The following CEP97 variants were observed in gnomAD, a reference collection of about 807,000 sequenced individuals.
The protein encoded by CEP97 is centrosomal protein 97.
A neutral mutation model predicts 73.1 loss-of-function variants in CEP97; 43 were observed. That is an observed-to-expected ratio of 0.59 (90% CI 0.46 to 0.76). The LOEUF is 0.76. CEP97 is among the 30% of genes least tolerant of loss of function. CEP97 has a pLI of 0.00. For synonymous variants in CEP97, 337 were observed against 370.0 expected (o/e 0.91, Z 1.02); for missense variants, 939 against 1,014.0 (o/e 0.93, Z 1.00).
intron 6 of CEP97, among the ~76,000 whole-genome samples, chr3:101,739,665 T>C (rs967369461): frequency 6.6e-6 from 1 of 152,152 alleles, no homozygotes; most frequent in African/African-American, 2.4e-5. Flanking sequence ...CCCAGCACTT[T>C]GGGAGGCCGA....
chr3:101,760,896 C>T (rs750238958), intron 9 of CEP97, among the ~76,000 whole-genome samples: 1 of 151,734 alleles, frequency 6.6e-6, no homozygotes, highest in Non-Finnish European at 1.5e-5. Context: ...GAGTCTTGCT[C>T]TTGTCACCCA....
chr3:101,737,226 C>T (rs573307646), intron 6 of CEP97, among the ~76,000 whole-genome samples: 1 of 152,228 alleles, frequency 6.6e-6, no homozygotes, highest in South Asian at 2.1e-4. Context: ...ATTGGTGTAC[C>T]TGAAAGTGAC....
chr3:101,748,527 TACA>T (rs1391397584), intron 6 of CEP97, among the ~76,000 whole-genome samples: 1 of 152,212 alleles, frequency 6.6e-6, no homozygotes, highest in Admixed American at 6.6e-5. Context: ...CCTATTTTTG[TACA>T]ACCTTTCAAC....
chr3:101,761,889 G>A (rs1216210649), intron 9 of CEP97, among the ~76,000 whole-genome samples: 3 of 152,138 alleles, frequency 2.0e-5, no homozygotes, highest in Non-Finnish European at 4.4e-5. Flanking sequence ...AGTATGGAGA[G>A]AACAGCAGTG....
intron 3 of CEP97, 104 bp downstream of exon 3, chr3:101,727,645 C>A: frequency 1.2e-6 from 1 of 849,794 alleles, no homozygotes; most frequent in Non-Finnish European, 1.8e-6. Flanking sequence ...CTCCCACTCT[C>A]CAGGGATAAT....
intron 9 of CEP97, chr3:101,758,655 G>GT (rs1286845890): frequency 3.9e-6 from 2 of 512,030 alleles, no homozygotes; most frequent in African/African-American, 3.8e-5. Context: ...ATGCAGTGTA[G>GT]TAATAAATGT....
In CEP97 at chr3:101,758,354, A is replaced by G; in HGVS notation, c.1748A>G (p.Asp583Gly). The G allele has an allele frequency of 6.2e-7, 1 of 1,614,198 alleles. No individual in the cohort carries two copies. The highest frequency in any genetic ancestry group is 1.1e-5 in the South Asian group (1 of 91,082). The part of the protein sequence containing the change: ...YARNYNPQAK[D>G]VRYEIRLRRM... ...AGGAACTACAACCCTCAAGCCAAAG[A>G]TGTGCGTTACGAAATCCGGCTACGC... is the stretch of plus-strand genomic sequence containing the variant. The change falls in exon 9 of 11, where the codon GAT becomes GGT. Residue 583 changes from aspartate to glycine, a missense_variant. Physicochemically the swap from Asp to Gly is moderately conservative, Grantham distance 94 (BLOSUM62 -1). Coordinates refer to ENST00000341893, the MANE Select transcript of CEP97 (RefSeq NM_024548.4).
intron 4 of CEP97, among the ~76,000 whole-genome samples, chr3:101,729,287 G>A (rs1270618760): frequency 1.3e-5 from 2 of 151,230 alleles, no homozygotes; most frequent in East Asian, 1.9e-4. Context: ...GTGGTGACCC[G>A]AGATTGGGTC....
At chr3:101,761,374 C>G (rs1018886023) in intron 9 of CEP97, among the ~76,000 whole-genome samples, 2 of 152,150 alleles carry the variant, frequency 1.3e-5, no homozygotes, top group African/African-American at 4.8e-5. Flanking sequence ...GAATGGGTGA[C>G]TGACATGGGG....
intron 6 of CEP97, among the ~76,000 whole-genome samples, chr3:101,754,776 TA>T (rs1938957033): frequency 6.6e-6 from 1 of 152,202 alleles, no homozygotes; most frequent in South Asian, 2.1e-4. Flanking sequence ...GTATTTGTCC[TA>T]TAGAGTTTCC....
chr3:101,729,523 T>C (rs1039292837), intron 4 of CEP97, among the ~76,000 whole-genome samples: 19 of 152,192 alleles, frequency 1.2e-4, no homozygotes, highest in Non-Finnish European at 2.5e-4. Context: ...TAACTTCAGT[T>C]ATTATATAGT....
At position 101,757,135 on chromosome 3, in the gene CEP97, G is replaced by A. The variant is rs746112255; in HGVS notation, c.966G>A (p.Arg322=). Residue 322 remains arginine, a synonymous_variant, in exon 8 of 11, where the codon AGG becomes AGA. Coordinates refer to ENST00000341893, the MANE Select transcript of CEP97 (RefSeq NM_024548.4). ...CTCCTCTTGTTCCTGTTGAAACAAG[G>A]GCATCCCTTATTCCTGAGCATTCAA... ...ELSPLVPVET[R]ASLIPEHSSP... is the part of the protein sequence containing the mutation. 3.1e-6 allele frequency: 5 copies of A among 1,613,132 alleles called. No homozygotes were observed.
rs1270128869 is a variant in CEP97 at position 101,764,942 on chromosome 3, G to A, written c.1989G>A (p.Ser663=). The A allele has an allele frequency of 6.2e-6, 10 of 1,613,990 alleles. No homozygotes were observed. Among genetic ancestry groups the A allele is most frequent in the East Asian group, 2.2e-5 (1 of 44,898 alleles). ...VPPISSTLVP[S]KHPLFTQSQE... Reference sequence around the variant, plus strand: ...CTATATCAAGTACTCTTGTGCCATCGAAACATCCATTATTTACCCAAAGCC... The same window carrying A: ...CTATATCAAGTACTCTTGTGCCATCAAAACATCCATTATTTACCCAAAGCC... The change falls in exon 11 of 11, where the codon TCG becomes TCA. Residue 663 remains serine (S), a synonymous_variant. Coordinates refer to ENST00000341893, the MANE Select transcript of CEP97 (RefSeq NM_024548.4).
At chr3:101,757,012 C>CT (rs1939023341) in intron 7 of CEP97, 51 bp from the exon 8 acceptor site, 1 of 1,493,298 alleles carries the variant, frequency 6.7e-7, no homozygotes, top group Non-Finnish European at 8.9e-7. Flanking sequence ...AGCAGAAAAT[C>CT]TTTCTTTTTT....
chr3:101,740,034 A>G (rs1364578613), intron 6 of CEP97, among the ~76,000 whole-genome samples: 3 of 152,214 alleles, frequency 2.0e-5, no homozygotes, highest in African/African-American at 7.2e-5. Flanking sequence ...AATGGGCAAA[A>G]GCTGGAAGCA....
At chr3:101,726,916 G>GA (rs948356972) in intron 2 of CEP97, among the ~76,000 whole-genome samples, 180 bp downstream of exon 2, 6 of 150,442 alleles carry the variant, frequency 4.0e-5, no homozygotes, top group Non-Finnish European at 8.9e-5. Flanking sequence ...GAGTAGATTA[G>GA]AAAAAAAAAG....
chr3:101,726,809 CA>C, intron 2 of CEP97, 73 bp downstream of exon 2: 1 of 1,134,248 alleles, frequency 8.8e-7, no homozygotes, highest in Admixed American at 2.6e-5. Context: ...AATAACCTGA[CA>C]AAAAGTAACT....
At chr3:101,745,912 C>G (rs141232334) in intron 6 of CEP97, among the ~76,000 whole-genome samples, 3,743 of 152,132 alleles carry the variant, frequency 0.025, 181 homozygotes, top group African/African-American at 0.085. Context: ...CTGCTCCCCC[C>G]ACCCCACAAC....
chr3:101,742,673 G>T (rs1938492776), intron 6 of CEP97, among the ~76,000 whole-genome samples: 1 of 151,350 alleles, frequency 6.6e-6, no homozygotes, highest in East Asian at 1.9e-4. Context: ...ACCATGGCAT[G>T]CGTATACCTA....
Sources: gnomAD v4.1 joint callset for allele counts (sites outside exome capture counted in the v4.1 genomes callset) on GRCh38, gnomAD v4.1.1 for gene constraint, MANE v1.5 for transcripts, NCBI Gene and HGNC (gene_info 2026-07-23, HGNC 2026-07-21) for gene names.